ARHGAP15: variants seen among roughly 807,000 people sequenced by gnomAD.
ARHGAP15 encodes Rho GTPase activating protein 15, also known as rho GTPase-activating protein 15.
In ARHGAP15, 51 loss-of-function variants were observed where a neutral mutation model predicts 63.7. The ratio of observed to expected loss-of-function variants is 0.80; its 90% CI spans 0.64 to 1.01. The LOEUF is 1.01. ARHGAP15 is among the 50% of genes least tolerant of loss of function. The pLI is 0.00. For missense variants in ARHGAP15, 560 were observed against 564.6 expected (o/e 0.99, Z 0.08); for synonymous variants, 191 against 193.8 (o/e 0.99, Z 0.12).
At chr2:143,468,085 A>AT (rs1691321441) in intron 8 of ARHGAP15, among the ~76,000 whole-genome samples, 2 of 152,182 alleles carry the variant, frequency 1.3e-5, no homozygotes, top group South Asian at 4.1e-4. Context: ...GCCTTGTTTG[A>AT]TTGTGTATTA....
intron 13 of ARHGAP15, among the ~76,000 whole-genome samples, chr2:143,736,432 A>C (rs1463100247): frequency 1.3e-5 from 2 of 151,906 alleles, no homozygotes; most frequent in Non-Finnish European, 2.9e-5. Context: ...CAACACACCT[A>C]TATGTGGAGA....
chr2:143,728,072 C>T (rs1487646523), intron 13 of ARHGAP15, among the ~76,000 whole-genome samples: 2 of 152,174 alleles, frequency 1.3e-5, no homozygotes, highest in Non-Finnish European at 2.9e-5. Flanking sequence ...TAACACAATA[C>T]GACACACCAG....
chr2:143,665,633 T>A (rs1682124081), intron 12 of ARHGAP15, among the ~76,000 whole-genome samples: 1 of 97,784 alleles, frequency 1.0e-5, no homozygotes, highest in African/African-American at 4.2e-5. Context: ...AAATTGTCCC[T>A]GTTTGCAGAC....
chr2:143,611,708 T>C (rs1454546083), intron 11 of ARHGAP15, among the ~76,000 whole-genome samples: 1 of 152,184 alleles, frequency 6.6e-6, no homozygotes, highest in Non-Finnish European at 1.5e-5. Flanking sequence ...AACAAAAGTG[T>C]CAATAGCATC....
At chr2:143,227,464 A>G (rs935748115) in intron 4 of ARHGAP15, among the ~76,000 whole-genome samples, 1 of 152,160 alleles carries the variant, frequency 6.6e-6, no homozygotes, top group Non-Finnish European at 1.5e-5. Flanking sequence ...TGGAGGATAG[A>G]GGTGAAATTT....
intron 13 of ARHGAP15, among the ~76,000 whole-genome samples, chr2:143,750,805 A>G (rs1686343876): frequency 6.6e-6 from 1 of 152,230 alleles, no homozygotes; most frequent in Non-Finnish European, 1.5e-5. Context: ...ATTAATATGC[A>G]GTCTGGATAG....
intron 1 of ARHGAP15, among the ~76,000 whole-genome samples, chr2:143,147,454 T>C (rs1328164173): frequency 1.3e-5 from 2 of 152,032 alleles, no homozygotes; most frequent in Non-Finnish European, 2.9e-5. Context: ...CCCTTATGGC[T>C]CTCATCTGTA....
intron 12 of ARHGAP15, among the ~76,000 whole-genome samples, chr2:143,691,796 C>A (rs1433684682): frequency 6.6e-6 from 1 of 152,122 alleles, no homozygotes; most frequent in Admixed American, 6.6e-5. Context: ...TTTGTGATAA[C>A]CATTTTTAAG....
chr2:143,142,665 C>A (rs1356754159), intron 1 of ARHGAP15, among the ~76,000 whole-genome samples: 1 of 152,026 alleles, frequency 6.6e-6, no homozygotes, highest in Non-Finnish European at 1.5e-5. Flanking sequence ...GGTTTGCATA[C>A]CTTGTGTTGT....
intron 10 of ARHGAP15, among the ~76,000 whole-genome samples, chr2:143,537,452 C>T (rs534046871): frequency 2.4e-4 from 36 of 152,198 alleles, no homozygotes; most frequent in African/African-American, 7.9e-4. Context: ...AAGTCCTTGC[C>T]CATGCTTATG....
At chr2:143,369,082 G>T (rs1034895852) in intron 6 of ARHGAP15, among the ~76,000 whole-genome samples, 1 of 152,098 alleles carries the variant, frequency 6.6e-6, no homozygotes, top group Non-Finnish European at 1.5e-5. Context: ...ATATTGCACA[G>T]ACATTCATGC....
Position 143,644,985 on chromosome 2 carries a change from C to T in ARHGAP15, c.1138+20718C>T, listed in dbSNP as rs561269643. ...GGGGACACCCACTGCCATATAATTG[C>T]GACACCACTTCGTACAGTGAGCATG... is the stretch of plus-strand genomic sequence containing the variant. On this transcript the variant is annotated intron_variant, in intron 12 of 13. Transcript: ENST00000295095. Among the ~76,000 whole-genome samples the T allele has an allele frequency of 5.0e-4, 76 of 151,938 alleles. 1 individual carries two copies. Among genetic ancestry groups the T allele is most frequent in the African/African-American group, 1.8e-3 (73 of 41,436 alleles).
At chr2:143,391,077 G>A (rs1447397399) in intron 6 of ARHGAP15, among the ~76,000 whole-genome samples, 2 of 152,148 alleles carry the variant, frequency 1.3e-5, no homozygotes, top group African/African-American at 2.4e-5. Context: ...AATATAAAAG[G>A]TAAAGAAGGG....
chr2:143,731,153 CT>C (rs1458775626), intron 13 of ARHGAP15, among the ~76,000 whole-genome samples: 3 of 151,980 alleles, frequency 2.0e-5, no homozygotes, highest in Non-Finnish European at 4.4e-5. Context: ...AAACTTGGGA[CT>C]TTCCCAAGTC....
intron 10 of ARHGAP15, among the ~76,000 whole-genome samples, chr2:143,539,615 T>G (rs1377190969): frequency 6.6e-6 from 1 of 152,234 alleles, no homozygotes; most frequent in African/African-American, 2.4e-5. Context: ...ACATCTTTAT[T>G]TCTGCCTTCA....
chr2:143,411,869 G>A (rs1379776602), intron 6 of ARHGAP15, among the ~76,000 whole-genome samples: 3 of 152,136 alleles, frequency 2.0e-5, no homozygotes, highest in Admixed American at 2.0e-4. Flanking sequence ...ACCTCCCAGA[G>A]GCAGTGATAT....
chr2:143,155,339 T>A (rs1170960611), intron 1 of ARHGAP15, 138 bp from the exon 2 acceptor site: 1 of 768,664 alleles, frequency 1.3e-6, no homozygotes, highest in Non-Finnish European at 1.9e-6. Context: ...GAACTACTTT[T>A]TTCTTCACTA....
chr2:143,233,385 T>C (rs921370602), intron 5 of ARHGAP15, among the ~76,000 whole-genome samples: 9 of 152,062 alleles, frequency 5.9e-5, no homozygotes, highest in Non-Finnish European at 1.2e-4. Context: ...AATTTTTAGT[T>C]GGTAGTCATT....
chr2:143,363,683 T>C (rs926664054), intron 6 of ARHGAP15, among the ~76,000 whole-genome samples: 2 of 152,200 alleles, frequency 1.3e-5, no homozygotes, highest in African/African-American at 4.8e-5. Context: ...CATATTTCTC[T>C]GCATATCACC....
Sources: gnomAD v4.1 joint callset for allele counts (sites outside exome capture counted in the v4.1 genomes callset) on GRCh38, gnomAD v4.1.1 for gene constraint, MANE v1.5 for transcripts, NCBI Gene and HGNC (gene_info 2026-07-23, HGNC 2026-07-21) for gene names.